Variants in C14orf180 observed in about 807,000 individuals in gnomAD.
C14orf180 encodes nutritionally-regulated adipose and cardiac enriched protein homolog.
A neutral mutation model predicts 13.9 loss-of-function variants in C14orf180; 13 were observed. That is an observed-to-expected ratio of 0.94 (90% CI 0.61 to 1.49). The LOEUF is 1.49. C14orf180 is among the 40% of genes most tolerant of loss of function. The probability of loss-of-function intolerance (pLI) is 0.00; values close to 1 mark genes in which losing one functional copy is unlikely to be tolerated. For synonymous variants in C14orf180, 113 were observed against 106.3 expected (o/e 1.06, Z -0.39); for missense variants, 238 against 232.0 (o/e 1.03, Z -0.17).
Position 104,588,993 on chromosome 14 carries a change from C to A in C14orf180, c.*210C>A. ...GGCGGCCCCGCCACACTAGTCAGCACAGCCCTCCTGTCTCCTGTGTTGGGT... is the reference window on the plus strand; with the variant it reads ...GGCGGCCCCGCCACACTAGTCAGCAAAGCCCTCCTGTCTCCTGTGTTGGGT... On this transcript the variant is annotated 3_prime_UTR_variant, in exon 5 of 5. Coordinates refer to ENST00000557649, the MANE Select transcript of C14orf180 (RefSeq NM_001008404.3). 9.8e-7 allele frequency: 1 copy of A among 1,024,354 alleles called. No homozygotes were observed. Among genetic ancestry groups the A allele is most frequent in the Non-Finnish European group, 1.4e-6 (1 of 730,360 alleles). The allele number at this position is 1,024,354 out of a possible 1,614,324, so 63.5% of individuals were successfully genotyped here.
Position 104,588,989 on chromosome 14 carries a change from A to C in C14orf180, c.*206A>C. On this transcript the variant is annotated 3_prime_UTR_variant, in exon 5 of 5. Transcript: ENST00000557649. ...AGCAGGCGGCCCCGCCACACTAGTCAGCACAGCCCTCCTGTCTCCTGTGTT... is the reference window on the plus strand; with the variant it reads ...AGCAGGCGGCCCCGCCACACTAGTCCGCACAGCCCTCCTGTCTCCTGTGTT... 2 of 1,041,886 alleles carry C rather than the reference A, an allele frequency of 1.9e-6. No individual in the cohort carries two copies. The highest frequency in any genetic ancestry group is 2.7e-6 in the Non-Finnish European group (2 of 746,114). The allele number at this position is 1,041,886 out of a possible 1,614,324, so 64.5% of individuals were successfully genotyped here.
Position 104,589,043 on chromosome 14 carries a change from G to A in C14orf180, c.*260G>A, listed in dbSNP as rs1012006380. 6 of 682,178 alleles carry A rather than the reference G, an allele frequency of 8.8e-6. No homozygotes were observed. The highest frequency in any genetic ancestry group is 3.7e-5 in the African/African-American group (2 of 53,674). 42.3% of individuals were successfully genotyped at this position (682,178 alleles called of 1,614,324 possible). A position where few individuals can be genotyped will look rare whatever the true frequency, so the allele number is the denominator to read the frequency against. On this transcript the variant is annotated 3_prime_UTR_variant, in exon 5 of 5. Coordinates refer to ENST00000557649, the MANE Select transcript of C14orf180 (RefSeq NM_001008404.3). The surrounding 1 kb of genome is among the most constrained non-coding windows in gnomAD (Gnocchi z 4.9). Reference sequence around the variant, plus strand: ...TCCATGTGAGATTTTATTAGAAAGAGGATTCGACTGCTAACAGTTGAGGCT... The same window carrying A: ...TCCATGTGAGATTTTATTAGAAAGAAGATTCGACTGCTAACAGTTGAGGCT...
At chr14:104,587,264 G>A (rs1042583068) in intron 2 of C14orf180, among the ~76,000 whole-genome samples, 1 of 152,154 alleles carries the variant, frequency 6.6e-6, no homozygotes, top group Non-Finnish European at 1.5e-5. Context: ...TGTAGGAGCT[G>A]CCCCCGCCTG....
intron 1 of C14orf180, chr14:104,581,551 G>A (rs1886432243): frequency 6.6e-6 from 1 of 152,222 alleles, no homozygotes; most frequent in Non-Finnish European, 1.5e-5. Flanking sequence ...CGACAGCGAG[G>A]CTGTGACCGC....
intron 2 of C14orf180, 67 bp downstream of exon 2, chr14:104,586,608 G>C: frequency 1.0e-6 from 1 of 986,774 alleles, no homozygotes; most frequent in Non-Finnish European, 1.4e-6. Context: ...AGGGGGCAGG[G>C]AGCAACAGAC....
chr14:104,589,126 G>A lies in C14orf180; in HGVS notation c.*343G>A. 2.1e-6 allele frequency: 1 copy of A among 480,362 alleles called. No individual in the cohort carries two copies. The highest frequency in any genetic ancestry group is 3.6e-6 in the Non-Finnish European group (1 of 277,518). 29.8% of individuals were successfully genotyped at this position (480,362 alleles called of 1,614,324 possible). On this transcript the variant is annotated 3_prime_UTR_variant, in exon 5 of 5. Coordinates refer to ENST00000557649, the MANE Select transcript of C14orf180 (RefSeq NM_001008404.3). This position sits in a 1 kb window ranked among gnomAD's most constrained non-coding sequence, Gnocchi z 4.9. ...CCAGCAGGAACTCCTGCTGCTGCTA[G>A]GGCCTGGCCCGGCCATCACCGTGTG...
intron 1 of C14orf180, among the ~76,000 whole-genome samples, chr14:104,583,757 G>GCACATT (rs1886517667): frequency 1.3e-5 from 2 of 152,168 alleles, no homozygotes; most frequent in South Asian, 2.1e-4. Flanking sequence ...GCCTACGCCT[G>GCACATT]CACATTCACA....
rs371187611 is a variant in C14orf180, at chr14:104,588,540, G to A, written c.278-38G>A. 9.6e-5 allele frequency: 139 copies of A among 1,441,310 alleles called. 1 individual carries two copies. The highest frequency in any genetic ancestry group is 1.1e-4 in the Admixed American group (4 of 35,834). 89.3% of individuals were successfully genotyped at this position (1,441,310 alleles called of 1,614,324 possible). ...CCCCAGTCCTCCAGGGAAGGGTCGC[G>A]CTGGCTGGCGCTGACCCTGCCTGCC... On this transcript the variant is annotated intron_variant, in intron 4 of 4. Transcript: ENST00000557649.
In C14orf180 at chr14:104,589,099, T is replaced by C. The variant is rs1886756656; in HGVS notation, c.*316T>C. On this transcript the variant is annotated 3_prime_UTR_variant, in exon 5 of 5. Coordinates refer to ENST00000557649, the MANE Select transcript of C14orf180 (RefSeq NM_001008404.3). This position sits in a 1 kb window ranked among gnomAD's most constrained non-coding sequence, Gnocchi z 4.9. The stretch of plus-strand genomic sequence containing the variant: ...GGCTCACCCAAAGACCCCTCCCTCG[T>C]CCCAGCAGGAACTCCTGCTGCTGCT... 3 of 506,786 alleles carry C rather than the reference T, an allele frequency of 5.9e-6. No homozygotes were observed. Among genetic ancestry groups the C allele is most frequent in the Non-Finnish European group, 1.0e-5 (3 of 295,594 alleles). The allele number at this position is 506,786 out of a possible 1,614,324, so 31.4% of individuals were successfully genotyped here.
chr14:104,587,985 G>A (rs1400264702), intron 3 of C14orf180, 107 bp downstream of exon 3: 12 of 1,392,388 alleles, frequency 8.6e-6, no homozygotes, highest in South Asian at 2.9e-5. Flanking sequence ...AGGACATGGG[G>A]GGGCCGTGGC....
At chr14:104,583,440 G>C (rs1566734878) in intron 1 of C14orf180, among the ~76,000 whole-genome samples, 1 of 152,184 alleles carries the variant, frequency 6.6e-6, no homozygotes. Context: ...GTGCGGACTC[G>C]GGTCTGTGCA....
chr14:104,588,852 C>T lies in C14orf180; in HGVS notation c.*69C>T, dbSNP rs1375458230. 22 of 1,510,988 alleles carry T rather than the reference C, an allele frequency of 1.5e-5. No individual in the cohort carries two copies. Among genetic ancestry groups the T allele is most frequent in the Non-Finnish European group, 1.9e-5 (22 of 1,130,990 alleles). The allele number at this position is 1,510,988 out of a possible 1,614,324, so 93.6% of individuals were successfully genotyped here. On this transcript the variant is annotated 3_prime_UTR_variant, in exon 5 of 5. Coordinates refer to ENST00000557649, the MANE Select transcript of C14orf180 (RefSeq NM_001008404.3). ...AGCACTCCGGGGGCTCCGAGACAGC[C>T]TGAGCCCTGGCCCTGCTGCTTGGTG...
rs776267399 is a variant in C14orf180 at position 104,587,874 on chromosome 14, C to G, written c.237C>G (p.Val79=). The G allele has an allele frequency of 5.0e-6, 8 of 1,606,944 alleles. No homozygotes were observed. The East Asian group carries it at 1.8e-4, about 36-fold the overall frequency. ...VWFREPPAVT[V]HYIADKNATA... is the part of the protein sequence containing the mutation. ...TCCGAGAACCCCCAGCGGTGACCGTCCACTGTAAGAGGGCACCCGCAGCAA... is the reference window on the plus strand; with the variant it reads ...TCCGAGAACCCCCAGCGGTGACCGTGCACTGTAAGAGGGCACCCGCAGCAA... Residue 79 remains valine (V), a synonymous_variant, in exon 3 of 5, where the codon GTC becomes GTG. Coordinates refer to ENST00000557649, the MANE Select transcript of C14orf180 (RefSeq NM_001008404.3).
At chr14:104,582,020 G>GGC in intron 1 of C14orf180, among the ~76,000 whole-genome samples, 18 of 152,164 alleles carry the variant, frequency 1.2e-4, no homozygotes, top group African/African-American at 4.3e-4. Context: ...GCCGAGGAAG[G>GGC]ACCTCCCATG....
chr14:104,586,361 C>T, intron 1 of C14orf180, 54 bp from the exon 2 acceptor site: 1 of 1,174,086 alleles, frequency 8.5e-7, no homozygotes. Context: ...TATTTTCATT[C>T]CTCTGAGTGC....
chr14:104,588,771 C>T lies in C14orf180; in HGVS notation c.471C>T (p.Leu157=). 1 of 1,522,866 alleles carries T rather than the reference C, an allele frequency of 6.6e-7. No homozygotes were observed. The highest frequency in any genetic ancestry group is 1.2e-5 in the South Asian group (1 of 83,568). 94.3% of individuals were successfully genotyped at this position (1,522,866 alleles called of 1,614,324 possible). ...TGGCCCTCACCTGCTGGCGCGGCCT[C>T]CTGCGGCTCTGACGGGCAGGACGGG... ...RHVALTCWRG[L]LRL Residue 157 remains leucine, a synonymous_variant, in exon 5 of 5, where the codon CTC becomes CTT. Coordinates refer to ENST00000557649, the MANE Select transcript of C14orf180 (RefSeq NM_001008404.3).
rs765126356 is a variant in C14orf180 at position 104,587,778 on chromosome 14, C to T, written c.141C>T (p.Ile47=). The T allele has an allele frequency of 6.2e-7, 1 of 1,612,860 alleles. No individual in the cohort carries two copies. Among genetic ancestry groups the T allele is most frequent in the South Asian group, 1.1e-5 (1 of 90,890 alleles). The change falls in exon 3 of 5, where the codon ATC becomes ATT. Residue 47 remains isoleucine (I), a synonymous_variant. Transcript: ENST00000557649. ...ACAACAGGAAGTGCCCCCCCTCCAT[C>T]CTGAAACGGAGCCGGCCGGAGCACC... is the stretch of plus-strand genomic sequence containing the variant. The part of the protein sequence containing the change: ...REDNRKCPPS[I]LKRSRPEHHR...
At chr14:104,586,923 C>T (rs1321674139) in intron 2 of C14orf180, among the ~76,000 whole-genome samples, 2 of 152,190 alleles carry the variant, frequency 1.3e-5, no homozygotes, top group African/African-American at 4.8e-5. Flanking sequence ...GACCCTGAGG[C>T]TCCATCCAGC....
At position 104,582,313 on chromosome 14, in the gene C14orf180, C is replaced by T. The variant is rs375224866; in HGVS notation, c.-17+2310C>T. ...GAACCAGGCAAGAACCACTGGCCCG[C>T]CCCCACGCCCCACTGCAGGCTGGTC... On this transcript the variant is annotated intron_variant, in intron 1 of 4. Coordinates refer to ENST00000557649, the MANE Select transcript of C14orf180 (RefSeq NM_001008404.3). Among the ~76,000 whole-genome samples, 175 of 152,280 alleles carry T rather than the reference C, an allele frequency of 1.1e-3. 3 individuals carry two copies. In the East Asian group the frequency reaches 0.028, roughly 24 times the overall value.
Sources: allele counts gnomAD v4.1 joint callset (sites outside exome capture counted in the v4.1 genomes callset), GRCh38; gene constraint gnomAD v4.1.1; non-coding constraint Gnocchi (gnomAD v3.1); transcripts MANE v1.5; gene names NCBI Gene and HGNC (gene_info 2026-07-23, HGNC 2026-07-21).